RAP1GAP2: variants seen among roughly 807,000 people sequenced by gnomAD.
RAP1GAP2 encodes rap1 GTPase-activating protein 2.
RAP1GAP2 carries 27 observed loss-of-function variants against 95.0 expected under a neutral mutation model. That is an observed-to-expected ratio of 0.28 (90% CI 0.21 to 0.39). The LOEUF is 0.39. RAP1GAP2 is among the 10% of genes least tolerant of loss of function. The pLI is 1.00. For missense variants in RAP1GAP2, 771 were observed against 970.0 expected (o/e 0.79, Z 2.72); for synonymous variants, 373 against 380.9 (o/e 0.98, Z 0.24).
chr17:2,905,505 G>A, intron 3 of RAP1GAP2, 137 bp downstream of exon 3: 1 of 794,176 alleles, frequency 1.3e-6, no homozygotes, highest in Non-Finnish European at 2.0e-6. Flanking sequence ...CGGAGGAGGT[G>A]ATGTTCAGTT....
rs11446282 is a variant in RAP1GAP2 at position 2,827,811 on chromosome 17, G to GAAAA, written c.80+27270_80+27273dup. On this transcript the variant is annotated intron_variant, in intron 2 of 24. Coordinates refer to ENST00000254695, the MANE Select transcript of RAP1GAP2 (RefSeq NM_015085.5). The surrounding 1 kb of genome is among the most constrained non-coding windows in gnomAD (Gnocchi z 4.1). ...GTTGCTTTTTATCAGCTTCCTATTA[G>GAAAA]AAAAAAAAAAAATCCCCTTGAAAAA... 0.035 allele frequency among the ~76,000 whole-genome samples: 5,139 copies of GAAAA among 146,330 alleles called. 304 individuals carry two copies. The highest frequency in any genetic ancestry group is 0.12 in the African/African-American group (4,787 of 39,914).
At chr17:2,770,782 T>A (rs2068375266) in intron 2 of RAP1GAP2, among the ~76,000 whole-genome samples, 1 of 152,236 alleles carries the variant, frequency 6.6e-6, no homozygotes, top group Non-Finnish European at 1.5e-5. Flanking sequence ...GGCTCATGCC[T>A]GTAATCCCAG....
intron 19 of RAP1GAP2, among the ~76,000 whole-genome samples, chr17:3,023,576 C>T (rs2047018936): frequency 6.6e-6 from 1 of 152,104 alleles, no homozygotes; most frequent in Non-Finnish European, 1.5e-5. Context: ...TTTTGTGAAC[C>T]AACAGTAGAG....
At position 2,865,478 on chromosome 17, in the gene RAP1GAP2, G is replaced by GA. The variant is rs570552897; in HGVS notation, c.81-39803dup. ...GCTGCTGGCCTCACTAATGAGAACA[G>GA]AAATTCTCACTTCTCGATATGAACT... On this transcript the variant is annotated intron_variant, in intron 2 of 24. Transcript: ENST00000254695. Among the ~76,000 whole-genome samples the GA allele has an allele frequency of 9.4e-3, 1,437 of 152,280 alleles. 14 individuals are homozygous for GA. The highest frequency in any genetic ancestry group is 0.027 in the Middle Eastern group (8 of 294).
chr17:2,884,677 C>T (rs182292343), intron 2 of RAP1GAP2, among the ~76,000 whole-genome samples: 2 of 152,088 alleles, frequency 1.3e-5, no homozygotes, highest in South Asian at 2.1e-4. Context: ...CCCAGCCTAG[C>T]GTTCTTGAAT....
intron 11 of RAP1GAP2, among the ~76,000 whole-genome samples, chr17:2,989,178 T>G (rs1415818775): frequency 6.6e-6 from 1 of 152,166 alleles, no homozygotes; most frequent in African/African-American, 2.4e-5. Context: ...CCTGCCAGCA[T>G]TTGGTGTTGT....
intron 3 of RAP1GAP2, among the ~76,000 whole-genome samples, chr17:2,925,646 C>G (rs2042931643): frequency 6.6e-6 from 1 of 152,172 alleles, no homozygotes; most frequent in South Asian, 2.1e-4. Flanking sequence ...CTCTCCCTGC[C>G]TTTTCTCTAA....
In RAP1GAP2 at chr17:3,032,625, G is replaced by T. The variant is rs557631219; in HGVS notation, c.*30+176G>T. Among the ~76,000 whole-genome samples the T allele has an allele frequency of 3.9e-5, 6 of 152,302 alleles. No homozygotes were observed. The East Asian group carries it at 1.2e-3, about 29-fold the overall frequency. On this transcript the variant is annotated intron_variant, in intron 24 of 24. Coordinates refer to ENST00000254695, the MANE Select transcript of RAP1GAP2 (RefSeq NM_015085.5). ...TGCAATGGGGAAGGAGGGGCAGATG[G>T]CCTGTGTGCGGATGGGAAGGGGGTT... is the stretch of plus-strand genomic sequence containing the variant.
chr17:2,853,705 G>T (rs1258499454), intron 2 of RAP1GAP2, among the ~76,000 whole-genome samples: 1 of 146,266 alleles, frequency 6.8e-6, no homozygotes, highest in African/African-American at 2.5e-5. Flanking sequence ...GTCTGAGCGG[G>T]AGCCGGGAGC....
rs370859699 is a variant in RAP1GAP2 at position 2,863,456 on chromosome 17, G to A, written c.81-41828G>A. On this transcript the variant is annotated intron_variant, in intron 2 of 24. Coordinates refer to ENST00000254695, the MANE Select transcript of RAP1GAP2 (RefSeq NM_015085.5). ...GCCTCTGGAGACATGTCGGCCCCAT[G>A]TGTGTCCTGAGACAGCTGACCTTGC... Among the ~76,000 whole-genome samples the A allele has an allele frequency of 2.6e-5, 4 of 152,206 alleles. No individual in the cohort carries two copies. The South Asian group carries it at 8.3e-4, about 31-fold the overall frequency.
chr17:2,986,470 G>A (rs916822448), intron 11 of RAP1GAP2, among the ~76,000 whole-genome samples: 12 of 151,976 alleles, frequency 7.9e-5, no homozygotes, highest in African/African-American at 1.5e-4. Flanking sequence ...TGAGCCATCC[G>A]TCTCCGAGAG....
At chr17:2,802,091 T>G (rs893130591) in intron 2 of RAP1GAP2, among the ~76,000 whole-genome samples, 5 of 152,186 alleles carry the variant, frequency 3.3e-5, no homozygotes, top group Non-Finnish European at 1.5e-5. Context: ...GAATTCACTG[T>G]TGCATGGAAA....
chr17:2,910,924 C>G (rs1485505900), intron 3 of RAP1GAP2, among the ~76,000 whole-genome samples: 1 of 152,186 alleles, frequency 6.6e-6, no homozygotes, highest in East Asian at 1.9e-4. Flanking sequence ...GTCTCGAGCT[C>G]CTGACCTCAA....
Position 2,896,923 on chromosome 17 carries a change from G to A in RAP1GAP2, c.81-8361G>A, listed in dbSNP as rs117446035. Among the ~76,000 whole-genome samples the A allele has an allele frequency of 8.7e-3, 1,319 of 152,274 alleles. 6 individuals are homozygous for A. The highest frequency in any genetic ancestry group is 0.022 in the South Asian group (104 of 4,834). ...GTAGCCTGCAGCAGAGACTCCAGCC[G>A]GCTCATCTCCTGCACAGCCTGGGCC... On this transcript the variant is annotated intron_variant, in intron 2 of 24. Coordinates refer to ENST00000254695, the MANE Select transcript of RAP1GAP2 (RefSeq NM_015085.5).
chr17:2,778,851 A>G (rs532430550), intron 1 of RAP1GAP2, among the ~76,000 whole-genome samples: 3 of 152,292 alleles, frequency 2.0e-5, no homozygotes, highest in African/African-American at 7.2e-5. Flanking sequence ...GATTATTCCC[A>G]CCACTCTCCT....
At chr17:2,770,408 C>T (rs977487238) in exon 2 of RAP1GAP2, 2 of 398,600 alleles carry the variant, frequency 5.0e-6, no homozygotes, top group Non-Finnish European at 8.8e-6. Flanking sequence ...GCAGCAGCAT[C>T]GCATCCTCAG....
chr17:2,937,142 A>G (rs1343265928), intron 3 of RAP1GAP2, among the ~76,000 whole-genome samples: 1 of 152,128 alleles, frequency 6.6e-6, no homozygotes, highest in African/African-American at 2.4e-5. Context: ...GTGACCTCCA[A>G]GTTAAGACCT....
intron 3 of RAP1GAP2, among the ~76,000 whole-genome samples, chr17:2,952,557 C>T (rs1280902917): frequency 6.6e-6 from 1 of 152,192 alleles, no homozygotes; most frequent in Non-Finnish European, 1.5e-5. Context: ...ATCAGGTGTG[C>T]ACTCAGCAGA....
chr17:2,851,439 G>A (rs947607636), intron 2 of RAP1GAP2, among the ~76,000 whole-genome samples: 2 of 152,124 alleles, frequency 1.3e-5, no homozygotes, highest in African/African-American at 4.8e-5. Flanking sequence ...GTGGGGTGTG[G>A]GTGTGATGGG....
Sources: gnomAD v4.1 joint callset for allele counts (sites outside exome capture counted in the v4.1 genomes callset) on GRCh38, gnomAD v4.1.1 for gene constraint, Gnocchi (gnomAD v3.1) non-coding constraint, MANE v1.5 for transcripts, NCBI Gene and HGNC (gene_info 2026-07-23, HGNC 2026-07-21) for gene names.